Variants in CATSPERH observed in about 807,000 individuals in gnomAD.
CATSPERH encodes the protein catsper channel auxiliary subunit eta.
chr11:65,088,607 A>G, the CATSPERH span: 1 of 1,532,506 alleles, frequency 6.5e-7, no homozygotes, highest in South Asian at 1.2e-5. Context: ...CAGGGTTCCA[A>G]AGCTCCCCGC....
At chr11:65,088,793 G>A in the CATSPERH span, 1 of 1,535,086 alleles carries the variant, frequency 6.5e-7, no homozygotes, top group Non-Finnish European at 8.7e-7. Flanking sequence ...TCGCACAACA[G>A]TGGGGTTTCC....
chr11:65,088,821 C>G, the CATSPERH span: 605 of 1,535,446 alleles, frequency 3.9e-4, 3 homozygotes, highest in East Asian at 5.7e-3. Flanking sequence ...CCTCGGGTCT[C>G]CCACAGCCAG....
the CATSPERH span, chr11:65,089,039 G>T: frequency 8.4e-5 from 129 of 1,534,858 alleles, no homozygotes; most frequent in Non-Finnish European, 6.9e-5. Context: ...CATCTTGCCC[G>T]CAGTGTAGAT....
the CATSPERH span, chr11:65,088,948 TAAG>T: frequency 1.4e-5 from 21 of 1,535,614 alleles, no homozygotes; most frequent in East Asian, 4.9e-5. Context: ...TGCCCAGGTG[TAAG>T]AAGAAGAGCA....
chr11:65,088,805 T>G, the CATSPERH span: 1 of 1,535,222 alleles, frequency 6.5e-7, no homozygotes, highest in Admixed American at 2.0e-5. Context: ...GGGGTTTCCA[T>G]CAGCCCCTCG....
chr11:65,088,423 C>G, the CATSPERH span: 2 of 1,534,204 alleles, frequency 1.3e-6, no homozygotes, highest in African/African-American at 1.4e-5. Context: ...TTTTGCTTCC[C>G]CCTCCTTAGC....
the CATSPERH span, chr11:65,088,472 G>A: frequency 3.8e-5 from 58 of 1,536,050 alleles, no homozygotes; most frequent in South Asian, 2.7e-4. Context: ...TGCTCCTCCC[G>A]GTACTCGATG....
chr11:65,088,627 C>T, the CATSPERH span: 4 of 1,534,716 alleles, frequency 2.6e-6, no homozygotes, highest in South Asian at 2.4e-5. Context: ...CTCCCTCTTG[C>T]ACCCTCCCAC....
At chr11:65,089,021 T>A in the CATSPERH span, 1 of 1,535,620 alleles carries the variant, frequency 6.5e-7, no homozygotes, top group Non-Finnish European at 8.7e-7. Context: ...GATGCGGTCT[T>A]GCAGCCACAT....
chr11:65,088,537 C>T, the CATSPERH span: 115 of 1,532,206 alleles, frequency 7.5e-5, 1 homozygote, highest in South Asian at 1.0e-3. Flanking sequence ...GAGCACTGGG[C>T]GGGGGACAGA....
At chr11:65,088,450 A>G in the CATSPERH span, 15 of 1,536,092 alleles carry the variant, frequency 9.8e-6, no homozygotes, top group Non-Finnish European at 1.3e-5. Context: ...CCGACTCCCC[A>G]GGCCTCAGTG....
chr11:65,088,867 G>A, the CATSPERH span: 13 of 1,535,734 alleles, frequency 8.5e-6, no homozygotes, highest in East Asian at 7.3e-5. Flanking sequence ...CCATCAGGAC[G>A]ACCGTGTAGT....
chr11:65,088,914 A>G, the CATSPERH span: 8 of 1,535,650 alleles, frequency 5.2e-6, no homozygotes, highest in Non-Finnish European at 7.0e-6. Context: ...GTGATGCAGA[A>G]GTTGTGCACG....
chr11:65,088,947 G>A, the CATSPERH span: 1 of 1,535,742 alleles, frequency 6.5e-7, no homozygotes, highest in East Asian at 2.4e-5. Context: ...ATGCCCAGGT[G>A]TAAGAAGAAG....
chr11:65,088,530 C>T, the CATSPERH span: 9 of 1,535,326 alleles, frequency 5.9e-6, no homozygotes, highest in Non-Finnish European at 7.0e-6. Context: ...CTCCGTTGAG[C>T]ACTGGGCGGG....
the CATSPERH span, chr11:65,088,617 C>G: frequency 1.3e-6 from 2 of 1,533,648 alleles, no homozygotes. Context: ...AAGCTCCCCG[C>G]TCCCTCTTGC....
the CATSPERH span, chr11:65,088,741 C>T: frequency 1.3e-6 from 2 of 1,536,046 alleles, no homozygotes; most frequent in African/African-American, 1.4e-5. Flanking sequence ...ATGCTGATCA[C>T]CTGGGAGAAC....
At chr11:65,089,047 G>C in the CATSPERH span, 1 of 1,533,876 alleles carries the variant, frequency 6.5e-7, no homozygotes. Flanking sequence ...CCGCAGTGTA[G>C]ATGCAAGTCA....
chr11:65,088,973 G>C, the CATSPERH span: 1 of 1,535,628 alleles, frequency 6.5e-7, no homozygotes, highest in Non-Finnish European at 8.7e-7. Context: ...CAGCGCAGCC[G>C]TGGTGAGCAT....
Sources: allele counts gnomAD v4.1 joint callset, GRCh38; gene constraint gnomAD v4.1.1; transcripts MANE v1.5; gene names NCBI Gene and HGNC (gene_info 2026-07-23, HGNC 2026-07-21).